SH2D4B: variants seen among roughly 807,000 people sequenced by gnomAD.
SH2D4B encodes the protein SH2 domain-containing protein 4B.
In SH2D4B, 45 loss-of-function variants were observed where a neutral mutation model predicts 61.5. The ratio of observed to expected loss-of-function variants is 0.73; its 90% CI spans 0.58 to 0.94. The LOEUF is 0.94. SH2D4B is among the 40% of genes least tolerant of loss of function. SH2D4B has a pLI of 0.00. For synonymous variants in SH2D4B, 224 were observed against 220.4 expected (o/e 1.02, Z -0.14); for missense variants, 572 against 574.2 (o/e 1.00, Z 0.04).
At chr10:80,632,869 ACTTC>A (rs1229127478) in intron 6 of SH2D4B, among the ~76,000 whole-genome samples, 5 of 150,872 alleles carry the variant, frequency 3.3e-5, no homozygotes, top group Admixed American at 2.6e-4. Flanking sequence ...AGGGCTCCTC[ACTTC>A]CTTCCTTGTC....
intron 7 of SH2D4B, among the ~76,000 whole-genome samples, chr10:80,638,355 G>A (rs1840225841): frequency 6.6e-6 from 1 of 152,344 alleles, no homozygotes; most frequent in African/African-American, 2.4e-5. Context: ...AATTTCAGAA[G>A]GAATGGAACC....
chr10:80,603,542 G>T lies in SH2D4B; in HGVS notation c.644-37G>T, dbSNP rs755904194. ...GCTGGCGCAGTGCACCGCCTGGGCT[G>T]CGGATCTGGGCTAACGTGCTGTCTT... On this transcript the variant is annotated intron_variant, in intron 4 of 7. Coordinates refer to ENST00000646907, the MANE Select transcript of SH2D4B (RefSeq NM_001388272.1). 7.4e-6 allele frequency: 11 copies of T among 1,491,720 alleles called. No homozygotes were observed. The East Asian group carries it at 2.8e-4, about 37-fold the overall frequency. The allele number at this position is 1,491,720 out of a possible 1,614,324, so 92.4% of individuals were successfully genotyped here. A position where few individuals can be genotyped will look rare whatever the true frequency, so the allele number is the denominator to read the frequency against.
At chr10:80,592,715 C>CTTTTTTTT (rs60807866) in intron 4 of SH2D4B, among the ~76,000 whole-genome samples, 3 of 134,560 alleles carry the variant, frequency 2.2e-5, no homozygotes, top group South Asian at 2.4e-4. Context: ...CTCTCTGTCT[C>CTTTTTTTT]TTTTTTTTTT....
intron 5 of SH2D4B, among the ~76,000 whole-genome samples, chr10:80,608,293 A>G (rs1332657958): frequency 3.3e-5 from 5 of 152,126 alleles, no homozygotes; most frequent in Non-Finnish European, 7.3e-5. Flanking sequence ...GAAGGCACAG[A>G]GGGCGGGAGG....
At position 80,538,673 on chromosome 10, in the gene SH2D4B, T is replaced by C. The variant is rs1344217267; in HGVS notation, c.184+158T>C. Among the ~76,000 whole-genome samples, 2 of 152,172 alleles carry C rather than the reference T, an allele frequency of 1.3e-5. No individual in the cohort carries two copies. Among genetic ancestry groups the C allele is most frequent in the East Asian group, 3.9e-4 (2 of 5,188 alleles). ...TTGTGGGCATCAGGTCCCATGAGCC[T>C]GTGCTTTTGCCTTTTGGCCAGGACC... On this transcript the variant is annotated intron_variant, in intron 1 of 7. Coordinates refer to ENST00000646907, the MANE Select transcript of SH2D4B (RefSeq NM_001388272.1). The surrounding 1 kb of genome is among the most constrained non-coding windows in gnomAD (Gnocchi z 4.8).
At chr10:80,625,573 C>CTTTTTTTTTTTT (rs564697811) in intron 6 of SH2D4B, among the ~76,000 whole-genome samples, 1 of 136,624 alleles carries the variant, frequency 7.3e-6, no homozygotes. Context: ...TTTTCTTTTT[C>CTTTTTTTTTTTT]TTTTTTTTTC....
Position 80,644,184 on chromosome 10 carries a change from C to T in SH2D4B, c.*99C>T, listed in dbSNP as rs967294649. 2 of 938,778 alleles carry T rather than the reference C, an allele frequency of 2.1e-6. No individual in the cohort carries two copies. Among genetic ancestry groups the T allele is most frequent in the Admixed American group, 2.1e-5 (1 of 47,272 alleles). The allele number at this position is 938,778 out of a possible 1,614,324, so 58.2% of individuals were successfully genotyped here. A position where few individuals can be genotyped will look rare whatever the true frequency, so the allele number is the denominator to read the frequency against. On this transcript the variant is annotated 3_prime_UTR_variant, in exon 8 of 8. Coordinates refer to ENST00000646907, the MANE Select transcript of SH2D4B (RefSeq NM_001388272.1). ...TCCTATGGCCTTCTGGAAGATCCAC[C>T]ACTATCCAAAGGAAAAAGTAGATTA...
In SH2D4B at chr10:80,609,537, C is replaced by T. The variant is rs761271075; in HGVS notation, c.974C>T (p.Ala325Val). The change falls in exon 6 of 8, where the codon GCC becomes GTC. Residue 325 changes from alanine (A) to valine (V), a missense_variant. Transcript: ENST00000646907. Reference sequence around the variant, plus strand: ...TTCGAGAGGAACACCAAGTTCATCGCCCCCTGGTTCCATGGTAGCACCATT... The same window carrying T: ...TTCGAGAGGAACACCAAGTTCATCGTCCCCTGGTTCCATGGTAGCACCATT... ...AGFERNTKFI[A>V]PWFHGIISRE... 2.5e-6 allele frequency: 4 copies of T among 1,614,166 alleles called. No individual in the cohort carries two copies. The highest frequency in any genetic ancestry group is 1.3e-5 in the African/African-American group (1 of 75,054).
intron 5 of SH2D4B, among the ~76,000 whole-genome samples, chr10:80,604,875 G>C (rs147780760): frequency 6.6e-6 from 1 of 151,586 alleles, no homozygotes; most frequent in Non-Finnish European, 1.5e-5. Context: ...CCCACTGCAA[G>C]CTCCGCCTTC....
intron 6 of SH2D4B, among the ~76,000 whole-genome samples, chr10:80,633,646 A>G (rs1679116099): frequency 6.6e-6 from 1 of 152,224 alleles, no homozygotes; most frequent in African/African-American, 2.4e-5. Context: ...AACGACTCCA[A>G]GGCCAACCAG....
At chr10:80,625,269 T>C (rs1165355431) in intron 6 of SH2D4B, among the ~76,000 whole-genome samples, 1 of 152,216 alleles carries the variant, frequency 6.6e-6, no homozygotes, top group Admixed American at 6.5e-5. Context: ...GACGATTTAA[T>C]ATGTACACTT....
At chr10:80,572,101 A>C (rs1357669201) in intron 3 of SH2D4B, among the ~76,000 whole-genome samples, 1 of 152,080 alleles carries the variant, frequency 6.6e-6, no homozygotes, top group African/African-American at 2.4e-5. Context: ...TTTACAGATG[A>C]GGAAACTGAG....
At chr10:80,567,688 G>A (rs1207091799) in intron 1 of SH2D4B, among the ~76,000 whole-genome samples, 1 of 152,206 alleles carries the variant, frequency 6.6e-6, no homozygotes, top group Admixed American at 6.5e-5. Flanking sequence ...GGTCAGGACC[G>A]CAAAGTTTCC....
intron 7 of SH2D4B, among the ~76,000 whole-genome samples, chr10:80,641,056 G>A (rs553220439): frequency 1.5e-4 from 23 of 152,344 alleles, no homozygotes; most frequent in Admixed American, 5.2e-4. Flanking sequence ...TCCCTCAGCT[G>A]CAGGTCTGTT....
chr10:80,549,827 G>A (rs146537129), intron 1 of SH2D4B, among the ~76,000 whole-genome samples: 3 of 152,330 alleles, frequency 2.0e-5, no homozygotes, highest in East Asian at 3.9e-4. Context: ...GGCAGTGAGA[G>A]GAGCCAGAGC....
intron 1 of SH2D4B, among the ~76,000 whole-genome samples, chr10:80,548,001 C>T (rs540935037): frequency 6.6e-6 from 1 of 152,204 alleles, no homozygotes; most frequent in South Asian, 2.1e-4. Flanking sequence ...CCACCTGACC[C>T]CAGAGAGATG....
chr10:80,618,978 A>T (rs1252602552), intron 6 of SH2D4B, among the ~76,000 whole-genome samples: 1 of 152,230 alleles, frequency 6.6e-6, no homozygotes, highest in African/African-American at 2.4e-5. Flanking sequence ...AAGTATACTT[A>T]CAATGCCTTT....
chr10:80,628,645 G>A (rs2132157660), intron 6 of SH2D4B, among the ~76,000 whole-genome samples: 1 of 152,306 alleles, frequency 6.6e-6, no homozygotes, highest in Admixed American at 6.5e-5. Flanking sequence ...TTGCTATCCT[G>A]AACTATGAGG....
chr10:80,584,605 A>C (rs1332275406), intron 3 of SH2D4B, among the ~76,000 whole-genome samples: 2 of 152,234 alleles, frequency 1.3e-5, no homozygotes, highest in Admixed American at 1.3e-4. Context: ...AGCAAGCTGT[A>C]AGTTTTAAAA....
Sources: gnomAD v4.1 joint callset for allele counts (sites outside exome capture counted in the v4.1 genomes callset) on GRCh38, gnomAD v4.1.1 for gene constraint, Gnocchi (gnomAD v3.1) non-coding constraint, MANE v1.5 for transcripts, NCBI Gene and HGNC (gene_info 2026-07-23, HGNC 2026-07-21) for gene names.